Variants in TMEM132D observed in about 807,000 individuals in gnomAD.
The protein encoded by TMEM132D is transmembrane protein 132D.
In TMEM132D, 21 loss-of-function variants were observed where a neutral mutation model predicts 62.3. The ratio of observed to expected loss-of-function variants is 0.34; its 90% CI spans 0.24 to 0.49. The LOEUF (loss-of-function observed/expected upper bound fraction) is 0.49, where lower values mean the gene tolerates loss of function less well. Ranked by LOEUF, TMEM132D falls within the 20% of genes least tolerant of loss-of-function variation. The pLI, the probability that TMEM132D is intolerant of heterozygous loss-of-function variation, is 0.99. For missense variants in TMEM132D, 1,346 were observed against 1,402.8 expected (o/e 0.96, Z 0.65); for synonymous variants, 621 against 575.6 (o/e 1.08, Z -1.13).
intron 5 of TMEM132D, among the ~76,000 whole-genome samples, chr12:129,185,749 CT>C (rs1878201001): frequency 1.2e-5 from 1 of 82,356 alleles, no homozygotes; most frequent in Non-Finnish European, 2.7e-5. Flanking sequence ...ATCTGCCTGT[CT>C]TTTATCCATC....
Position 129,779,149 on chromosome 12 carries a change from C to A in TMEM132D, c.80-78451G>T, listed in dbSNP as rs1871039488. Among the ~76,000 whole-genome samples the A allele has an allele frequency of 6.6e-6, 1 of 152,162 alleles. No individual in the cohort carries two copies. The highest frequency in any genetic ancestry group is 2.4e-5 in the African/African-American group (1 of 41,440). On this transcript the variant is annotated intron_variant, in intron 1 of 8. Transcript: ENST00000422113. The surrounding 1 kb of genome is among the most constrained non-coding windows in gnomAD (Gnocchi z 4.1). ...CCAGGCATCACATTCCAAATCCACC[C>A]AGCAGGAAGGATACAAGGCCTTAGG...
intron 4 of TMEM132D, among the ~76,000 whole-genome samples, chr12:129,283,812 G>C (rs139287350): frequency 2.0e-5 from 3 of 152,280 alleles, no homozygotes; most frequent in African/African-American, 7.2e-5. Flanking sequence ...TGTGCCTCTG[G>C]TGGAAGTGAG....
chr12:129,902,608 A>T (rs1343805442), intron 1 of TMEM132D, among the ~76,000 whole-genome samples: 1 of 152,128 alleles, frequency 6.6e-6, no homozygotes, highest in African/African-American at 2.4e-5. Context: ...TCGGGTCACA[A>T]CTTGTAGCTG....
In TMEM132D at chr12:129,076,817, A is replaced by G. The variant is rs115939412; in HGVS notation, c.2115+1717T>C. On this transcript the variant is annotated intron_variant, in intron 8 of 8. Transcript: ENST00000422113. Reference sequence around the variant, plus strand: ...TAGCTCTGCATGTCAGGAACGGATTAGCCTTCTGGCCTTCTTCTAGCTGCA... The same window carrying G: ...TAGCTCTGCATGTCAGGAACGGATTGGCCTTCTGGCCTTCTTCTAGCTGCA... 6.1e-3 allele frequency among the ~76,000 whole-genome samples: 930 copies of G among 152,348 alleles called. 18 individuals are homozygous for G. The highest frequency in any genetic ancestry group is 0.021 in the African/African-American group (893 of 41,578).
At chr12:129,499,914 C>A (rs1875077727) in intron 3 of TMEM132D, among the ~76,000 whole-genome samples, 1 of 148,316 alleles carries the variant, frequency 6.7e-6, no homozygotes, top group South Asian at 2.2e-4. Context: ...CTGTCCCCCA[C>A]TTCAGTCGGT....
Position 129,679,210 on chromosome 12 carries a change from T to C in TMEM132D, c.968+20600A>G, listed in dbSNP as rs534422571. Among the ~76,000 whole-genome samples the C allele has an allele frequency of 1.2e-3, 187 of 152,190 alleles. 1 individual carries two copies. Among genetic ancestry groups the C allele is most frequent in the African/African-American group, 4.4e-3 (182 of 41,582 alleles). On this transcript the variant is annotated intron_variant, in intron 2 of 8. Coordinates refer to ENST00000422113, the MANE Select transcript of TMEM132D (RefSeq NM_133448.3). ...GTAAACTGACACTTTTGTGTCATTA[T>C]GCATTTCTATCCCTGAACATGGTAT...
chr12:129,346,050 T>G (rs2135665042), intron 3 of TMEM132D, among the ~76,000 whole-genome samples: 1 of 152,300 alleles, frequency 6.6e-6, no homozygotes, highest in Non-Finnish European at 1.5e-5. Flanking sequence ...AAAATTCGGC[T>G]GTGAATCCAT....
At chr12:129,455,815 A>G (rs2135729285) in intron 3 of TMEM132D, among the ~76,000 whole-genome samples, 1 of 152,356 alleles carries the variant, frequency 6.6e-6, no homozygotes, top group East Asian at 1.9e-4. Context: ...AGAAGAGACC[A>G]TGTCTAATAA....
intron 1 of TMEM132D, among the ~76,000 whole-genome samples, chr12:129,734,917 A>G (rs1869377692): frequency 6.6e-6 from 1 of 152,240 alleles, no homozygotes; most frequent in Non-Finnish European, 1.5e-5. Flanking sequence ...AACTGGAACT[A>G]TAAAAGGCAA....
At chr12:129,617,108 G>A (rs1041619507) in intron 2 of TMEM132D, among the ~76,000 whole-genome samples, 22 of 152,088 alleles carry the variant, frequency 1.4e-4, no homozygotes, top group African/African-American at 5.3e-4. Context: ...TTTTTATTTT[G>A]TCCTTGAGAT....
intron 2 of TMEM132D, among the ~76,000 whole-genome samples, chr12:129,615,682 G>A (rs2137155199): frequency 6.6e-6 from 1 of 151,552 alleles, no homozygotes; most frequent in African/African-American, 2.4e-5. Flanking sequence ...CAGGGTGGGA[G>A]GATCACTTGA....
chr12:129,523,753 C>T (rs1003478399), intron 3 of TMEM132D, among the ~76,000 whole-genome samples: 2 of 152,136 alleles, frequency 1.3e-5, no homozygotes, highest in South Asian at 2.1e-4. Flanking sequence ...ATTGAATGAG[C>T]GTCAGGAAAT....
chr12:129,436,043 T>C (rs903333576), intron 3 of TMEM132D, among the ~76,000 whole-genome samples: 1 of 152,166 alleles, frequency 6.6e-6, no homozygotes, highest in Non-Finnish European at 1.5e-5. Flanking sequence ...CATGTGTAAT[T>C]TACTCTTCAG....
intron 3 of TMEM132D, among the ~76,000 whole-genome samples, chr12:129,372,112 G>T (rs1172158733): frequency 6.6e-6 from 1 of 152,210 alleles, no homozygotes; most frequent in Non-Finnish European, 1.5e-5. Context: ...TACCAGGGTG[G>T]GTGGGCAACC....
chr12:129,607,769 G>A (rs778055568), intron 2 of TMEM132D, among the ~76,000 whole-genome samples: 1 of 152,136 alleles, frequency 6.6e-6, no homozygotes, highest in African/African-American at 2.4e-5. Flanking sequence ...CTTTTTCTGT[G>A]TTTTGGAGTA....
intron 3 of TMEM132D, among the ~76,000 whole-genome samples, chr12:129,369,204 G>C (rs999505713): frequency 6.6e-6 from 1 of 152,210 alleles, no homozygotes; most frequent in African/African-American, 2.4e-5. Flanking sequence ...GGGCATATCT[G>C]TGGTGTCTGT....
At chr12:129,552,331 C>T (rs11060427) in intron 2 of TMEM132D, among the ~76,000 whole-genome samples, 4,908 of 152,214 alleles carry the variant, frequency 0.032, 283 homozygotes, top group African/African-American at 0.11. Flanking sequence ...ATATATCTGG[C>T]TACCTATCTA....
intron 5 of TMEM132D, among the ~76,000 whole-genome samples, chr12:129,121,310 G>A (rs1435014434): frequency 1.3e-5 from 2 of 152,070 alleles, no homozygotes; most frequent in Non-Finnish European, 2.9e-5. Flanking sequence ...TGGCCAGGCT[G>A]GTCTCAAACT....
chr12:129,887,249 G>A (rs1874779213), intron 1 of TMEM132D, among the ~76,000 whole-genome samples: 1 of 152,136 alleles, frequency 6.6e-6, no homozygotes, highest in Non-Finnish European at 1.5e-5. Context: ...TACCGTGGAG[G>A]CAGCTGCTCA....
Sources: gnomAD v4.1 joint callset for allele counts (sites outside exome capture counted in the v4.1 genomes callset) on GRCh38, gnomAD v4.1.1 for gene constraint, Gnocchi (gnomAD v3.1) non-coding constraint, MANE v1.5 for transcripts, NCBI Gene and HGNC (gene_info 2026-07-23, HGNC 2026-07-21) for gene names.